The following PCDHAC1 variants were observed in gnomAD, a reference collection of about 807,000 sequenced individuals.
PCDHAC1 encodes protocadherin alpha-C1.
A neutral mutation model predicts 60.0 loss-of-function variants in PCDHAC1; 42 were observed. That is an observed-to-expected ratio of 0.70 (90% CI 0.55 to 0.90). The LOEUF is 0.90. Among genes scored for constraint, PCDHAC1 ranks in the 40% least tolerant of loss-of-function variants. The pLI is 0.00. For missense variants in PCDHAC1, 1,160 were observed against 1,222.3 expected (o/e 0.95, Z 0.76); for synonymous variants, 468 against 499.3 (o/e 0.94, Z 0.84).
intron 3 of PCDHAC1, among the ~76,000 whole-genome samples, chr5:141,000,522 G>A (rs1294045842): frequency 4.2e-5 from 6 of 143,688 alleles, no homozygotes; most frequent in African/African-American, 1.6e-4. Context: ...CCTTCTCCAG[G>A]GTTCAAGTGA....
intron 1 of PCDHAC1, among the ~76,000 whole-genome samples, chr5:140,963,688 G>A (rs185853589): frequency 5.9e-5 from 9 of 152,274 alleles, no homozygotes; most frequent in Admixed American, 5.9e-4. Context: ...GTTTATCCGT[G>A]TTTGATATCT....
intron 1 of PCDHAC1, among the ~76,000 whole-genome samples, chr5:140,945,791 G>T (rs782283550): frequency 1.3e-5 from 2 of 152,064 alleles, no homozygotes; most frequent in Non-Finnish European, 2.9e-5. Flanking sequence ...GCAGAAAAAT[G>T]AAACTAGACC....
intron 1 of PCDHAC1, among the ~76,000 whole-genome samples, chr5:140,972,752 C>A (rs1332478312): frequency 1.3e-5 from 2 of 151,214 alleles, no homozygotes; most frequent in Non-Finnish European, 2.9e-5. Context: ...CAACCTCCGC[C>A]TCCCAAGTTA....
intron 3 of PCDHAC1, among the ~76,000 whole-genome samples, chr5:141,002,751 C>T (rs1204940300): frequency 3.9e-5 from 6 of 152,152 alleles, no homozygotes; most frequent in African/African-American, 1.4e-4. Context: ...CATCGACAAC[C>T]CTGTGATGTA....
chr5:141,009,852 A>G lies in PCDHAC1; in HGVS notation c.2807A>G (p.Lys936Arg), dbSNP rs1554262492. The G allele has an allele frequency of 6.2e-7, 1 of 1,614,074 alleles. No homozygotes were observed. Among genetic ancestry groups the G allele is most frequent in the East Asian group, 2.2e-5 (1 of 44,874 alleles). ...FITFGKKEET[K>R]KKKKKKKGNK... ...ACCTTCGGCAAAAAGGAGGAGACCA[A>G]GAAAAAGAAGAAAAAGAAGAAGGGT... Residue 936 changes from lysine (K) to arginine (R), a missense_variant, in exon 4 of 4, where the codon AAG becomes AGG. Physicochemically the swap from Lys to Arg is conservative, Grantham distance 26. This residue lies in a region of PCDHAC1 where 1,113 missense variants were observed against 1,163.7 expected (regional missense o/e 0.96). Coordinates refer to ENST00000253807, the MANE Select transcript of PCDHAC1 (RefSeq NM_018898.5).
intron 1 of PCDHAC1, among the ~76,000 whole-genome samples, chr5:140,975,053 A>G (rs2096651589): frequency 1.3e-5 from 2 of 152,144 alleles, no homozygotes; most frequent in Admixed American, 6.5e-5. Flanking sequence ...GGAAGAATCT[A>G]CTATCGAGCT....
intron 1 of PCDHAC1, chr5:140,967,133 G>C: frequency 6.2e-7 from 1 of 1,611,928 alleles, no homozygotes; most frequent in East Asian, 2.2e-5. Flanking sequence ...CAGCTTGGAA[G>C]TGCTGGCGCA....
At position 141,009,957 on chromosome 5, in the gene PCDHAC1, G is replaced by A; in HGVS notation, c.*20G>A. The stretch of plus-strand genomic sequence containing the variant: ...CAGTGAGGTCCTCAAATGGAAACAA[G>A]CCACTTAGCCAGTTTTTGTAATAAT... On this transcript the variant is annotated 3_prime_UTR_variant, in exon 4 of 4. Transcript: ENST00000253807. 1 of 1,589,160 alleles carries A rather than the reference G, an allele frequency of 6.3e-7. No individual in the cohort carries two copies. Among genetic ancestry groups the A allele is most frequent in the Non-Finnish European group, 8.5e-7 (1 of 1,171,102 alleles).
intron 2 of PCDHAC1, among the ~76,000 whole-genome samples, chr5:140,982,084 A>G (rs2096965344): frequency 6.6e-6 from 1 of 152,266 alleles, no homozygotes; most frequent in East Asian, 1.9e-4. Flanking sequence ...TAGAGAACCT[A>G]GGAACAAGAG....
rs11350929 is a variant in PCDHAC1, at chr5:140,972,660, ATTT to A, written c.2434-6269_2434-6267del. Among the ~76,000 whole-genome samples, 687 of 117,242 alleles carry A rather than the reference ATTT, an allele frequency of 5.9e-3. 9 individuals carry two copies. Among genetic ancestry groups the A allele is most frequent in the African/African-American group, 0.021 (630 of 30,162 alleles). 76.9% of individuals were successfully genotyped at this position (117,242 alleles called of 152,430 possible). A position where few individuals can be genotyped will look rare whatever the true frequency, so the allele number is the denominator to read the frequency against. On this transcript the variant is annotated intron_variant, in intron 1 of 3. Coordinates refer to ENST00000253807, the MANE Select transcript of PCDHAC1 (RefSeq NM_018898.5). ...CAGAGTCTCCATAAAAAGAAACCAAATTTTTTTTTTTTTTTTTTTTTTGAGATG... is the reference window on the plus strand; with the variant it reads ...CAGAGTCTCCATAAAAAGAAACCAAATTTTTTTTTTTTTTTTTTTGAGATG...
intron 1 of PCDHAC1, among the ~76,000 whole-genome samples, chr5:140,947,064 A>G (rs1554218040): frequency 6.6e-6 from 1 of 151,738 alleles, no homozygotes; most frequent in African/African-American, 2.4e-5. Flanking sequence ...TACACAGTGT[A>G]TATATGTATT....
At chr5:140,993,137 A>G (rs1336525759) in intron 3 of PCDHAC1, among the ~76,000 whole-genome samples, 12 of 152,212 alleles carry the variant, frequency 7.9e-5, no homozygotes, top group African/African-American at 2.7e-4. Flanking sequence ...CTGTTGCAAC[A>G]AGTATAAATG....
At position 140,973,488 on chromosome 5, in the gene PCDHAC1, G is replaced by A. The variant is rs186493160; in HGVS notation, c.2434-5461G>A. Reference sequence around the variant, plus strand: ...GTTTGCAAATTTCATATTGGTCACAGGACTCTTCTTCTGAGAAAAAGTTTA... The same window carrying A: ...GTTTGCAAATTTCATATTGGTCACAAGACTCTTCTTCTGAGAAAAAGTTTA... On this transcript the variant is annotated intron_variant, in intron 1 of 3. Coordinates refer to ENST00000253807, the MANE Select transcript of PCDHAC1 (RefSeq NM_018898.5). Among the ~76,000 whole-genome samples, 7 of 152,228 alleles carry A rather than the reference G, an allele frequency of 4.6e-5. No homozygotes were observed. The East Asian group carries it at 1.3e-3, about 29-fold the overall frequency.
intron 3 of PCDHAC1, among the ~76,000 whole-genome samples, chr5:140,995,545 T>C (rs998594175): frequency 1.3e-5 from 2 of 152,206 alleles, no homozygotes; most frequent in Non-Finnish European, 2.9e-5. Flanking sequence ...TAAGGGGCGA[T>C]CACTGTACTG....
intron 1 of PCDHAC1, among the ~76,000 whole-genome samples, chr5:140,941,439 G>A (rs187782763): frequency 1.3e-5 from 2 of 149,420 alleles, no homozygotes; most frequent in East Asian, 2.0e-4. Context: ...CCTCAGCCTC[G>A]GGAGTAGCTG....
intron 1 of PCDHAC1, among the ~76,000 whole-genome samples, chr5:140,941,202 C>T (rs246071): frequency 0.094 from 11,551 of 122,542 alleles, 708 homozygotes; most frequent in Admixed American, 0.12. Context: ...TTTCTTTCTT[C>T]CTTTCTTTCT....
intron 3 of PCDHAC1, among the ~76,000 whole-genome samples, chr5:141,002,660 T>C (rs1366913026): frequency 1.3e-5 from 2 of 152,170 alleles, no homozygotes; most frequent in Admixed American, 1.3e-4. Context: ...AGGGCTCTTG[T>C]CAGGACCAAA....
Position 141,011,530 on chromosome 5 carries a change from T to A in PCDHAC1, c.*1593T>A, listed in dbSNP as rs1427621980. 1 of 153,810 alleles carries A rather than the reference T, an allele frequency of 6.5e-6. No individual in the cohort carries two copies. The highest frequency in any genetic ancestry group is 1.5e-5 in the Non-Finnish European group (1 of 68,042). The allele number at this position is 153,810 out of a possible 1,614,324, so 9.5% of individuals were successfully genotyped here. A position where few individuals can be genotyped will look rare whatever the true frequency, so the allele number is the denominator to read the frequency against. On this transcript the variant is annotated 3_prime_UTR_variant, in exon 4 of 4. Coordinates refer to ENST00000253807, the MANE Select transcript of PCDHAC1 (RefSeq NM_018898.5). ...TGGAGTAGTGTTTTTTTAACCATTG[T>A]TAATCAGCTTTTGTGTATGAAAGAC...
chr5:140,933,359 C>G (rs2089088301), intron 1 of PCDHAC1, among the ~76,000 whole-genome samples: 1 of 151,832 alleles, frequency 6.6e-6, no homozygotes, highest in Non-Finnish European at 1.5e-5. Context: ...TATTTCTAAC[C>G]CATCCCAAAT....
Sources: allele counts gnomAD v4.1 joint callset (sites outside exome capture counted in the v4.1 genomes callset), GRCh38; gene constraint gnomAD v4.1.1; regional missense constraint gnomAD v4.1.1; transcripts MANE v1.5; gene names NCBI Gene and HGNC (gene_info 2026-07-23, HGNC 2026-07-21).